ATP2C2: variants seen among roughly 807,000 people sequenced by gnomAD.
The protein encoded by ATP2C2 is calcium-transporting ATPase type 2C member 2.
A neutral mutation model predicts 110.8 loss-of-function variants in ATP2C2; 171 were observed. The observed-to-expected ratio is 1.54, with a 90% CI of 1.36 to 1.75. The LOEUF (loss-of-function observed/expected upper bound fraction) is 1.75, where lower values mean the gene tolerates loss of function less well. Ranked by LOEUF, ATP2C2 falls within the 40% of genes most tolerant of loss-of-function variation. The probability of loss-of-function intolerance (pLI) is 0.00; values close to 1 mark genes in which losing one functional copy is unlikely to be tolerated. For synonymous variants in ATP2C2, 804 were observed against 508.4 expected, an observed-to-expected ratio of 1.58 and a Z score of -7.82; for missense variants, 1,963 against 1,235.0, an observed-to-expected ratio of 1.59 and a Z score of -8.84.
chr16:84,381,406 A>G (rs1340981755), intron 1 of ATP2C2, among the ~76,000 whole-genome samples: 1 of 152,006 alleles, frequency 6.6e-6, no homozygotes, highest in Non-Finnish European at 1.5e-5. Flanking sequence ...GTGAAACCTC[A>G]TCTCTACTAA....
At position 84,423,242 on chromosome 16, in the gene ATP2C2, C is replaced by T. The variant is rs374724976; in HGVS notation, c.898C>T (p.Leu300Phe). 169 of 1,614,006 alleles carry T rather than the reference C, an allele frequency of 1.0e-4. No homozygotes were observed. Among genetic ancestry groups the T allele is most frequent in the Non-Finnish European group, 1.4e-4 (161 of 1,179,990 alleles). Residue 300 changes from leucine to phenylalanine, a missense_variant, in exon 10 of 27, where the codon CTC becomes TTC. Transcript: ENST00000262429. ...SMDRLGKQLT[L>F]FSFGIIGLIM... ...GGACAGGCTAGGAAAGCAACTGACA[C>T]TCTTCTCCTTTGGCATAATCGGTGA...
At chr16:84,409,646 C>T (rs1482062467) in intron 4 of ATP2C2, among the ~76,000 whole-genome samples, 1 of 152,074 alleles carries the variant, frequency 6.6e-6, no homozygotes, top group East Asian at 1.9e-4. Flanking sequence ...GTGCCCGCCA[C>T]CACTCCTGGT....
Position 84,448,567 on chromosome 16 carries a change from T to C in ATP2C2, c.1538T>C (p.Leu513Ser). ...GACATTTACTTCATGAAAGGGGCCTTGGAAGAGGTGATCCGCTACTGCACC... is the reference window on the plus strand; with the variant it reads ...GACATTTACTTCATGAAAGGGGCCTCGGAAGAGGTGATCCGCTACTGCACC... ...QEDIYFMKGALEEVIRYCTMY... is the reference protein window; with the variant it reads ...QEDIYFMKGASEEVIRYCTMY... Residue 513 changes from leucine to serine, a missense_variant, in exon 17 of 27, where the codon TTG becomes TCG. Transcript: ENST00000262429. 1 of 1,613,502 alleles carries C rather than the reference T, an allele frequency of 6.2e-7. No individual in the cohort carries two copies. Among genetic ancestry groups the C allele is most frequent in the South Asian group, 1.1e-5 (1 of 90,998 alleles).
chr16:84,446,128 C>T (rs1420428362), intron 15 of ATP2C2, among the ~76,000 whole-genome samples: 1 of 151,612 alleles, frequency 6.6e-6, no homozygotes, highest in Non-Finnish European at 1.5e-5. Flanking sequence ...TCTTGTCTGC[C>T]CTTCAGCCAA....
chr16:84,394,012 A>AT (rs1472625485), intron 1 of ATP2C2, among the ~76,000 whole-genome samples: 28 of 97,536 alleles, frequency 2.9e-4, no homozygotes, highest in Non-Finnish European at 5.2e-4. Context: ...CAAAAAAAAT[A>AT]AAAAAATAAA....
intron 6 of ATP2C2, among the ~76,000 whole-genome samples, chr16:84,412,461 CGTGT>C (rs1017555915): frequency 3.9e-5 from 5 of 128,316 alleles, no homozygotes; most frequent in South Asian, 2.6e-4. Flanking sequence ...TCTGTGTCTC[CGTGT>C]GTGTGTCTGT....
intron 18 of ATP2C2, among the ~76,000 whole-genome samples, chr16:84,452,587 C>T (rs1228078073): frequency 6.6e-6 from 1 of 151,432 alleles, no homozygotes; most frequent in Non-Finnish European, 1.5e-5. Context: ...CAACCTCCAC[C>T]TCCTGGGTTC....
At chr16:84,415,288 A>T (rs2150532983) in intron 6 of ATP2C2, among the ~76,000 whole-genome samples, 195 bp from the exon 7 acceptor site, 1 of 152,290 alleles carries the variant, frequency 6.6e-6, no homozygotes, top group South Asian at 2.1e-4. Context: ...TGGCCCAGGG[A>T]TGCCCAGAAA....
chr16:84,445,827 G>T (rs1909695718), intron 15 of ATP2C2, among the ~76,000 whole-genome samples: 1 of 152,200 alleles, frequency 6.6e-6, no homozygotes. Flanking sequence ...GTGGGACAGT[G>T]GGATGCATGG....
intron 11 of ATP2C2, among the ~76,000 whole-genome samples, chr16:84,433,300 T>G (rs1442954796): frequency 6.6e-6 from 1 of 152,074 alleles, no homozygotes; most frequent in South Asian, 2.1e-4. Flanking sequence ...GGAGGATTGC[T>G]TGAGCCTGGG....
chr16:84,442,576 G>C lies in ATP2C2; in HGVS notation c.1378G>C (p.Ala460Pro). ...CGTGATGGGGCAGCCCACCGAGGGTGCATTGATGGCCCTGGCGATGAAGGT... is the reference window on the plus strand; with the variant it reads ...CGTGATGGGGCAGCCCACCGAGGGTCCATTGATGGCCCTGGCGATGAAGGT... ...NAVMGQPTEG[A>P]LMALAMKMDL... The change falls in exon 15 of 27, where the codon GCA (alanine) becomes CCA (proline). Residue 460 changes from alanine (A) to proline (P), a missense_variant. Ala to Pro is a conservative substitution (Grantham distance 27, BLOSUM62 -1). Coordinates refer to ENST00000262429, the MANE Select transcript of ATP2C2 (RefSeq NM_014861.4). 6.2e-7 allele frequency: 1 copy of C among 1,614,118 alleles called. No homozygotes were observed. Among genetic ancestry groups the C allele is most frequent in the Non-Finnish European group, 8.5e-7 (1 of 1,179,968 alleles).
intron 7 of ATP2C2, 92 bp from the exon 8 acceptor site, chr16:84,422,298 G>A: frequency 7.0e-7 from 1 of 1,432,792 alleles, no homozygotes; most frequent in Non-Finnish European, 9.6e-7. Flanking sequence ...TTGAGTTCAT[G>A]TCCATGAAGG....
intron 1 of ATP2C2, among the ~76,000 whole-genome samples, chr16:84,374,747 A>G (rs1910155477): frequency 6.6e-6 from 1 of 152,198 alleles, no homozygotes; most frequent in Non-Finnish European, 1.5e-5. Flanking sequence ...AGCAGAGGCC[A>G]TCTGGATGAG....
chr16:84,442,728 C>T (rs2288578), intron 15 of ATP2C2, 129 bp downstream of exon 15: 4 of 894,678 alleles, frequency 4.5e-6, no homozygotes, highest in Non-Finnish European at 7.2e-6. Flanking sequence ...AAATGGCCCA[C>T]ACTGGCCTTG....
intron 3 of ATP2C2, among the ~76,000 whole-genome samples, chr16:84,407,712 T>C (rs1905900414): frequency 1.3e-5 from 2 of 152,064 alleles, no homozygotes; most frequent in Non-Finnish European, 2.9e-5. Context: ...GCTCAAGCAG[T>C]CCTCCCATTT....
At chr16:84,461,044 C>G (rs1276128049) in intron 24 of ATP2C2, 5 of 514,582 alleles carry the variant, frequency 9.7e-6, no homozygotes, top group African/African-American at 1.9e-5. Context: ...GTGGAGATGA[C>G]TTTGCCGAGA....
chr16:84,460,528 G>A (rs745488156), intron 23 of ATP2C2, 126 bp from the exon 24 acceptor site: 79 of 1,364,762 alleles, frequency 5.8e-5, no homozygotes, highest in African/African-American at 1.1e-4. Context: ...GCCTGGGGGC[G>A]TTCAGCAAAT....
At chr16:84,368,794 C>T in intron 1 of ATP2C2, 80 bp downstream of exon 1, 1 of 1,232,412 alleles carries the variant, frequency 8.1e-7, no homozygotes, top group Non-Finnish European at 1.1e-6. Context: ...GCCCGAGACC[C>T]CGCGTTCGCG....
At chr16:84,430,514 G>T (rs1189766383) in intron 11 of ATP2C2, among the ~76,000 whole-genome samples, 1 of 151,944 alleles carries the variant, frequency 6.6e-6, no homozygotes, top group African/African-American at 2.4e-5. Flanking sequence ...GGTGGCACGT[G>T]CCTATAATCC....
Sources: gnomAD v4.1 joint callset for allele counts (sites outside exome capture counted in the v4.1 genomes callset) on GRCh38, gnomAD v4.1.1 for gene constraint, MANE v1.5 for transcripts, NCBI Gene and HGNC (gene_info 2026-07-23, HGNC 2026-07-21) for gene names.